The following NDUFA5 variants were observed in gnomAD, a reference collection of about 807,000 sequenced individuals.
NDUFA5 encodes the protein NADH:ubiquinone oxidoreductase subunit A5, also known as NADH dehydrogenase [ubiquinone] 1 alpha subcomplex subunit 5.
A neutral mutation model predicts 19.8 loss-of-function variants in NDUFA5; 11 were observed. The observed-to-expected ratio is 0.56, with a 90% CI of 0.35 to 0.92. The LOEUF is 0.92. Ranked by LOEUF, NDUFA5 falls within the 40% of genes least tolerant of loss-of-function variation. The pLI, the probability that NDUFA5 is intolerant of heterozygous loss-of-function variation, is 0.01. For synonymous variants in NDUFA5, 47 were observed against 46.8 expected, an observed-to-expected ratio of 1.00 and a Z score of -0.01; for missense variants, 109 against 134.2, an observed-to-expected ratio of 0.81 and a Z score of 0.93.
At chr7:123,591,063 T>C in the NDUFA5 span, among the ~76,000 whole-genome samples, 111 of 152,300 alleles carry the variant, frequency 7.3e-4, no homozygotes, top group Middle Eastern at 3.4e-3. Context: ...TTGTAGTAAT[T>C]GTAAATGGGA....
chr7:123,574,272 C>T, the NDUFA5 span, among the ~76,000 whole-genome samples: 2 of 151,630 alleles, frequency 1.3e-5, no homozygotes, highest in African/African-American at 4.8e-5. Context: ...ACACTTCACT[C>T]CTGTACTATG....
the NDUFA5 span, among the ~76,000 whole-genome samples, chr7:123,568,171 G>A: frequency 6.6e-6 from 1 of 152,176 alleles, no homozygotes. Flanking sequence ...CTCCCACTGA[G>A]ATTTGGATTA....
the NDUFA5 span, among the ~76,000 whole-genome samples, chr7:123,584,066 G>A: frequency 6.6e-6 from 1 of 151,880 alleles, no homozygotes; most frequent in African/African-American, 2.4e-5. Context: ...GCTTTGGTGA[G>A]CTCTTCTAGC....
upstream of NDUFA5, among the ~76,000 whole-genome samples, chr7:123,559,582 C>T (rs1468144573): frequency 6.6e-6 from 1 of 151,986 alleles, no homozygotes; most frequent in South Asian, 2.1e-4. Flanking sequence ...TTCGGCTGGG[C>T]CTGGTGGCTC....
the NDUFA5 span, among the ~76,000 whole-genome samples, chr7:123,579,135 C>T: frequency 6.6e-6 from 1 of 151,950 alleles, no homozygotes; most frequent in Non-Finnish European, 1.5e-5. Flanking sequence ...TTGTTTAACT[C>T]CTACAAATAT....
chr7:123,559,857 C>CAAAA (rs201033454), upstream of NDUFA5, among the ~76,000 whole-genome samples: 1 of 46,496 alleles, frequency 2.2e-5, no homozygotes. Flanking sequence ...TTCCGTCTCA[C>CAAAA]AAAAAAAAAA....
the NDUFA5 span, among the ~76,000 whole-genome samples, chr7:123,597,613 C>T: frequency 6.6e-6 from 1 of 152,110 alleles, no homozygotes; most frequent in African/African-American, 2.4e-5. Flanking sequence ...GGGCAGATCA[C>T]TTGAGGTCAG....
At chr7:123,569,388 C>T in the NDUFA5 span, among the ~76,000 whole-genome samples, 2 of 152,054 alleles carry the variant, frequency 1.3e-5, no homozygotes, top group Admixed American at 6.6e-5. Flanking sequence ...TGTGGTCCAG[C>T]AATAGCTAGG....
chr7:123,587,977 G>A, the NDUFA5 span, among the ~76,000 whole-genome samples: 2 of 151,712 alleles, frequency 1.3e-5, no homozygotes, highest in East Asian at 3.9e-4. Flanking sequence ...GTTCATCAGG[G>A]ATATTGCCAT....
chr7:123,543,988 A>ATACC (rs1324504510), intron 4 of NDUFA5, among the ~76,000 whole-genome samples: 2 of 152,194 alleles, frequency 1.3e-5, no homozygotes, highest in African/African-American at 4.8e-5. Flanking sequence ...TGTTGGTGAT[A>ATACC]TACCTCCCTA....
chr7:123,592,417 C>T, the NDUFA5 span, among the ~76,000 whole-genome samples: 2 of 152,142 alleles, frequency 1.3e-5, no homozygotes, highest in Non-Finnish European at 1.5e-5. Context: ...CTCTTGTGGG[C>T]ATTTAGTGCT....
intron 3 of NDUFA5, 22 bp from the exon 4 acceptor site, chr7:123,545,698 A>T: frequency 6.5e-7 from 1 of 1,544,032 alleles, no homozygotes. Context: ...GGGAGAAAAA[A>T]AATTAAAGAA....
the NDUFA5 span, among the ~76,000 whole-genome samples, chr7:123,588,116 T>C: frequency 6.6e-6 from 1 of 151,956 alleles, no homozygotes; most frequent in South Asian, 2.1e-4. Context: ...TTGGAATTAA[T>C]GCTTTAAGTG....
intron 4 of NDUFA5, 121 bp from the exon 5 acceptor site, chr7:123,542,341 C>G: frequency 1.6e-6 from 1 of 635,778 alleles, no homozygotes; most frequent in Non-Finnish European, 2.6e-6. Flanking sequence ...TCTATTCCAC[C>G]ATCAAATGTT....
At chr7:123,574,960 T>C in the NDUFA5 span, among the ~76,000 whole-genome samples, 21 of 151,984 alleles carry the variant, frequency 1.4e-4, no homozygotes, top group African/African-American at 4.8e-4. Flanking sequence ...GAGAAAAATA[T>C]GGAGACAGAT....
rs766305834 is a variant in NDUFA5, at chr7:123,540,890, G to GCGCGCACACACACACACA, written c.*1228_*1229insTGTGTGTGTGTGTGCGCG. On this transcript the variant is annotated 3_prime_UTR_variant, in exon 5 of 5. Transcript: ENST00000355749. Reference sequence around the variant, plus strand: ...TCTGAGCAAATGTGCGCATGCGCGTGCACACACACACACACACACACACAC... The same window carrying GCGCGCACACACACACACA: ...TCTGAGCAAATGTGCGCATGCGCGTGCGCGCACACACACACACACACACACACACACACACACACACAC... The GCGCGCACACACACACACA allele has an allele frequency of 6.7e-4, 90 of 133,906 alleles. No individual in the cohort carries two copies. Among genetic ancestry groups the GCGCGCACACACACACACA allele is most frequent in the Middle Eastern group, 3.6e-3 (1 of 278 alleles). 8.3% of individuals were successfully genotyped at this position (133,906 alleles called of 1,614,324 possible).
the NDUFA5 span, among the ~76,000 whole-genome samples, chr7:123,593,696 T>C: frequency 6.5e-4 from 99 of 152,338 alleles, no homozygotes; most frequent in Admixed American, 2.8e-3. Flanking sequence ...CCTTTCTCTC[T>C]GGCTGCCCTT....
At chr7:123,577,557 A>T in the NDUFA5 span, among the ~76,000 whole-genome samples, 1 of 152,270 alleles carries the variant, frequency 6.6e-6, no homozygotes, top group East Asian at 1.9e-4. Flanking sequence ...TTGTAAGTCA[A>T]ATTAAATTCT....
At chr7:123,577,011 T>A in the NDUFA5 span, among the ~76,000 whole-genome samples, 15 of 152,208 alleles carry the variant, frequency 9.9e-5, no homozygotes, top group Non-Finnish European at 1.9e-4. Flanking sequence ...AGACTTCCTG[T>A]TATCTATTTT....
Sources: allele counts gnomAD v4.1 joint callset (sites outside exome capture counted in the v4.1 genomes callset), GRCh38; gene constraint gnomAD v4.1.1; transcripts MANE v1.5; gene names NCBI Gene and HGNC (gene_info 2026-07-23, HGNC 2026-07-21).